CNTN4: variants seen among roughly 807,000 people sequenced by gnomAD.
CNTN4 encodes contactin-4.
Under a neutral mutation model 122.5 loss-of-function variants are expected in CNTN4, and 77 were observed. The ratio of observed to expected loss-of-function variants is 0.63; its 90% CI spans 0.52 to 0.76. CNTN4 has a LOEUF of 0.76. Ranked by LOEUF, CNTN4 falls within the 30% of genes least tolerant of loss-of-function variation. The pLI is 0.00. For missense variants in CNTN4, 1,256 were observed against 1,259.1 expected (o/e 1.00, Z 0.04); for synonymous variants, 512 against 447.0 (o/e 1.15, Z -1.83).
At chr3:2,978,856 CT>C (rs1693678858) in intron 13 of CNTN4, among the ~76,000 whole-genome samples, 1 of 152,156 alleles carries the variant, frequency 6.6e-6, no homozygotes, top group Admixed American at 6.5e-5. Context: ...TTTGCTTAAG[CT>C]GAGAAGTAGT....
At chr3:2,782,481 G>GTGTGTGTGTT (rs2091639453) in intron 6 of CNTN4, among the ~76,000 whole-genome samples, 2 of 149,778 alleles carry the variant, frequency 1.3e-5, no homozygotes, top group Non-Finnish European at 3.0e-5. Flanking sequence ...GTGTGTGTGT[G>GTGTGTGTGTT]TGTGTGTGTG....
chr3:2,391,628 C>A (rs193293210), intron 3 of CNTN4, among the ~76,000 whole-genome samples: 2 of 152,172 alleles, frequency 1.3e-5, no homozygotes, highest in Admixed American at 1.3e-4. Context: ...ATGAAACAGA[C>A]GTGATGTTTA....
At chr3:2,375,528 C>T (rs984084721) in intron 3 of CNTN4, among the ~76,000 whole-genome samples, 2 of 152,162 alleles carry the variant, frequency 1.3e-5, no homozygotes. Flanking sequence ...AGTTAAGTTA[C>T]AGATCCTACT....
intron 6 of CNTN4, among the ~76,000 whole-genome samples, chr3:2,775,434 C>A (rs1310591493): frequency 6.6e-6 from 1 of 151,994 alleles, no homozygotes; most frequent in Non-Finnish European, 1.5e-5. Flanking sequence ...TTTTATTATT[C>A]TTATTATTTT....
At chr3:2,314,204 A>G (rs2043014011) in intron 2 of CNTN4, among the ~76,000 whole-genome samples, 1 of 151,984 alleles carries the variant, frequency 6.6e-6, no homozygotes, top group South Asian at 2.1e-4. Flanking sequence ...TGAAGTTTCA[A>G]TAAAATGGGA....
intron 12 of CNTN4, among the ~76,000 whole-genome samples, chr3:2,908,823 A>G (rs940982409): frequency 3.9e-5 from 6 of 152,098 alleles, no homozygotes; most frequent in Admixed American, 2.0e-4. Flanking sequence ...CTTTTCCAGG[A>G]CTGTATAATG....
intron 2 of CNTN4, among the ~76,000 whole-genome samples, chr3:2,274,089 A>G (rs2041404257): frequency 6.6e-6 from 1 of 152,134 alleles, no homozygotes; most frequent in Non-Finnish European, 1.5e-5. Flanking sequence ...TCATCTAAAA[A>G]TCAAGGAATG....
intron 2 of CNTN4, among the ~76,000 whole-genome samples, chr3:2,304,452 A>G (rs1300589184): frequency 2.0e-5 from 3 of 152,124 alleles, no homozygotes; most frequent in Non-Finnish European, 4.4e-5. Context: ...TTCTATTAGT[A>G]CTTTTAAAAA....
rs1036049827 is a variant in CNTN4 at position 2,841,530 on chromosome 3, A to G, written c.454+21949A>G. Among the ~76,000 whole-genome samples, 2 of 152,216 alleles carry G rather than the reference A, an allele frequency of 1.3e-5. No individual in the cohort carries two copies. The highest frequency in any genetic ancestry group is 1.3e-4 in the Admixed American group (2 of 15,278). On this transcript the variant is annotated intron_variant, in intron 7 of 24. Transcript: ENST00000418658. This position sits in a 1 kb window ranked among gnomAD's most constrained non-coding sequence, Gnocchi z 4.8. ...TCCATTTGTAGCCATCAATAAAGAG[A>G]TTAATTTATTATTCCCAATCGGGCT...
rs117125709 is a variant in CNTN4 at position 2,606,888 on chromosome 3, A to G, written c.55+35330A>G. Among the ~76,000 whole-genome samples the G allele has an allele frequency of 2.2e-3, 335 of 152,344 alleles. 4 individuals are homozygous for G. The East Asian group carries it at 0.053, about 24-fold the overall frequency. On this transcript the variant is annotated intron_variant, in intron 4 of 24. Coordinates refer to ENST00000418658, the MANE Select transcript of CNTN4 (RefSeq NM_175607.3). ...AACTTTTCCTTTGCCTCATGGCAGT[A>G]TTGGTGTTGGTTAAAAATGATAACT...
chr3:2,439,785 T>G (rs1227746498), intron 3 of CNTN4, among the ~76,000 whole-genome samples: 2 of 152,122 alleles, frequency 1.3e-5, no homozygotes, highest in African/African-American at 4.8e-5. Flanking sequence ...AGCAGTTGTC[T>G]TCTTAGAGGG....
At chr3:2,662,460 G>A (rs1325585784) in intron 4 of CNTN4, among the ~76,000 whole-genome samples, 1 of 152,134 alleles carries the variant, frequency 6.6e-6, no homozygotes, top group African/African-American at 2.4e-5. Flanking sequence ...AAGTTAAAAG[G>A]AACACTGTGC....
intron 3 of CNTN4, among the ~76,000 whole-genome samples, chr3:2,458,555 A>T (rs966046731): frequency 1.3e-5 from 2 of 152,172 alleles, no homozygotes; most frequent in Admixed American, 1.3e-4. Flanking sequence ...GTTGATAGAG[A>T]TCATTTGGGA....
intron 3 of CNTN4, among the ~76,000 whole-genome samples, chr3:2,365,941 C>T (rs1575470702): frequency 6.6e-6 from 1 of 152,126 alleles, no homozygotes; most frequent in Non-Finnish European, 1.5e-5. Context: ...TCCTAGTCTA[C>T]AAAATTATAT....
chr3:2,248,731 A>T (rs2040250228), intron 2 of CNTN4, among the ~76,000 whole-genome samples: 1 of 151,982 alleles, frequency 6.6e-6, no homozygotes, highest in South Asian at 2.1e-4. Flanking sequence ...GAAAATAGCC[A>T]CTTAGTGGCT....
intron 2 of CNTN4, among the ~76,000 whole-genome samples, chr3:2,247,317 G>A (rs1235827531): frequency 6.6e-6 from 1 of 151,984 alleles, no homozygotes; most frequent in East Asian, 1.9e-4. Flanking sequence ...TCAGATGAAA[G>A]CCAATTTCTG....
intron 4 of CNTN4, among the ~76,000 whole-genome samples, chr3:2,626,504 AAAC>A (rs1349667153): frequency 6.6e-6 from 1 of 151,508 alleles, no homozygotes; most frequent in Non-Finnish European, 1.5e-5. Context: ...CTCAAAAAAA[AAAC>A]AACAAAAAAC....
At chr3:2,992,614 T>TAG (rs1261498107) in intron 14 of CNTN4, among the ~76,000 whole-genome samples, 1 of 152,190 alleles carries the variant, frequency 6.6e-6, no homozygotes, top group African/African-American at 2.4e-5. Context: ...GTAGCAGTCC[T>TAG]AGAGAAGAGC....
At chr3:2,208,364 G>A (rs906216048) in intron 2 of CNTN4, among the ~76,000 whole-genome samples, 42 of 152,104 alleles carry the variant, frequency 2.8e-4, no homozygotes, top group African/African-American at 9.7e-4. Context: ...AAGAGCAAGA[G>A]AACTGGAATT....
Sources: allele counts gnomAD v4.1 joint callset (sites outside exome capture counted in the v4.1 genomes callset), GRCh38; gene constraint gnomAD v4.1.1; non-coding constraint Gnocchi (gnomAD v3.1); transcripts MANE v1.5; gene names NCBI Gene and HGNC (gene_info 2026-07-23, HGNC 2026-07-21).